The following CRTC1 variants were observed in gnomAD, a reference collection of about 807,000 sequenced individuals.
CRTC1 encodes the protein CREB-regulated transcription coactivator 1.
Under a neutral mutation model 66.1 loss-of-function variants are expected in CRTC1, and 18 were observed. The observed-to-expected ratio is 0.27, with a 90% CI of 0.19 to 0.40. CRTC1 has a LOEUF of 0.40. CRTC1 is among the 10% of genes least tolerant of loss of function. The pLI is 1.00. For missense variants in CRTC1, 669 were observed against 887.9 expected (o/e 0.75, Z 3.13); for synonymous variants, 416 against 398.8 (o/e 1.04, Z -0.51).
chr19:18,719,779 G>A (rs2053582860), intron 1 of CRTC1, among the ~76,000 whole-genome samples: 1 of 152,246 alleles, frequency 6.6e-6, no homozygotes, highest in Non-Finnish European at 1.5e-5. Context: ...GACCCGGGGC[G>A]AGCAGGGCTG....
intron 10 of CRTC1, among the ~76,000 whole-genome samples, chr19:18,770,505 G>T (rs1300605565): frequency 6.6e-6 from 1 of 152,248 alleles, no homozygotes; most frequent in Non-Finnish European, 1.5e-5. Context: ...GACCTGCCCA[G>T]GGCACACAGT....
At chr19:18,776,560 G>A (rs576275797) in intron 13 of CRTC1, among the ~76,000 whole-genome samples, 4 of 152,208 alleles carry the variant, frequency 2.6e-5, no homozygotes, top group Admixed American at 2.6e-4. Flanking sequence ...CACCCCTCGG[G>A]TGTAGGCAGC....
intron 1 of CRTC1, among the ~76,000 whole-genome samples, chr19:18,731,720 G>A (rs1320351623): frequency 1.3e-5 from 2 of 152,098 alleles, no homozygotes; most frequent in African/African-American, 4.8e-5. Context: ...GAACCCCACC[G>A]AGCAGGCACG....
chr19:18,774,863 A>C, intron 11 of CRTC1, 37 bp from the exon 12 acceptor site: 1 of 1,602,840 alleles, frequency 6.2e-7, no homozygotes. Flanking sequence ...ACCTGGCCTC[A>C]GGCCGTGACC....
At chr19:18,740,238 G>A (rs1334472753) in intron 1 of CRTC1, among the ~76,000 whole-genome samples, 2 of 151,680 alleles carry the variant, frequency 1.3e-5, no homozygotes, top group Non-Finnish European at 2.9e-5. Context: ...GGATGACAGA[G>A]CTAGACTCCA....
At chr19:18,719,115 G>C (rs980994869) in intron 1 of CRTC1, among the ~76,000 whole-genome samples, 1 of 152,138 alleles carries the variant, frequency 6.6e-6, no homozygotes, top group Non-Finnish European at 1.5e-5. Context: ...AGTGATCATG[G>C]GAGTGATGAG....
intron 1 of CRTC1, among the ~76,000 whole-genome samples, chr19:18,702,936 C>T (rs2053180672): frequency 6.6e-6 from 1 of 152,092 alleles, no homozygotes. Context: ...CGGGCTGGGA[C>T]CTCCAGTTGT....
chr19:18,699,872 T>C (rs1290055371), intron 1 of CRTC1, among the ~76,000 whole-genome samples: 1 of 151,540 alleles, frequency 6.6e-6, no homozygotes, highest in Non-Finnish European at 1.5e-5. Flanking sequence ...GAGGAACGAG[T>C]AGGGAGCAGC....
intron 1 of CRTC1, among the ~76,000 whole-genome samples, chr19:18,690,354 C>A (rs1365957522): frequency 2.6e-5 from 4 of 152,188 alleles, no homozygotes; most frequent in African/African-American, 4.8e-5. Context: ...GCCCGCCCCC[C>A]AGTCCTGGCT....
chr19:18,721,383 C>T (rs920216928), intron 1 of CRTC1, among the ~76,000 whole-genome samples: 4 of 151,390 alleles, frequency 2.6e-5, no homozygotes, highest in Admixed American at 6.6e-5. Context: ...TCGGTAGAGA[C>T]GGGGTTTCAC....
At chr19:18,720,511 G>A (rs1370455909) in intron 1 of CRTC1, among the ~76,000 whole-genome samples, 1 of 148,840 alleles carries the variant, frequency 6.7e-6, no homozygotes, top group African/African-American at 2.5e-5. Context: ...CACCACGCCC[G>A]GCTAATTTTT....
In CRTC1 at chr19:18,745,820, C is replaced by A. The variant is rs776456432; in HGVS notation, c.244-3C>A. 3 of 1,613,870 alleles carry A rather than the reference C, an allele frequency of 1.9e-6. No homozygotes were observed. The highest frequency in any genetic ancestry group is 1.7e-5 in the Admixed American group (1 of 60,018). ...TCTCTGTTTCCATCTCCTCCTCCCC[C>A]AGACCCCCTTCCAATCCTCGGGCCT... On this transcript the variant is annotated splice_polypyrimidine_tract_variant and splice_region_variant and intron_variant, in intron 2 of 13. Coordinates refer to ENST00000321949, the MANE Select transcript of CRTC1 (RefSeq NM_015321.3).
chr19:18,728,387 T>C (rs1352290287), intron 1 of CRTC1, among the ~76,000 whole-genome samples: 1 of 152,188 alleles, frequency 6.6e-6, no homozygotes, highest in Non-Finnish European at 1.5e-5. Flanking sequence ...ACCAGGACAA[T>C]GGGCTTGGGC....
chr19:18,759,730 C>T, intron 7 of CRTC1, 139 bp downstream of exon 7: 1 of 933,640 alleles, frequency 1.1e-6, no homozygotes, highest in Non-Finnish European at 1.6e-6. Flanking sequence ...TGACAGAGCC[C>T]CCACATGCCC....
At chr19:18,729,439 GA>G (rs200645429) in intron 1 of CRTC1, among the ~76,000 whole-genome samples, 22 of 139,668 alleles carry the variant, frequency 1.6e-4, no homozygotes, top group Admixed American at 5.0e-4. Context: ...AAAAAAAAAA[GA>G]AAAAAAAAAA....
chr19:18,758,621 G>A (rs1385773618), intron 6 of CRTC1, among the ~76,000 whole-genome samples: 10 of 152,174 alleles, frequency 6.6e-5, no homozygotes, highest in Admixed American at 6.5e-4. Context: ...GGACTCTCAG[G>A]AAGTAGCAGA....
chr19:18,730,257 C>A (rs2053855692), intron 1 of CRTC1, among the ~76,000 whole-genome samples: 1 of 145,024 alleles, frequency 6.9e-6, no homozygotes, highest in African/African-American at 2.6e-5. Flanking sequence ...CGAAGCACAT[C>A]ACCAGCTCCT....
intron 1 of CRTC1, among the ~76,000 whole-genome samples, chr19:18,731,683 G>A (rs2053891730): frequency 6.6e-6 from 1 of 152,100 alleles, no homozygotes; most frequent in South Asian, 2.1e-4. Context: ...CAGGCCCCCC[G>A]CTAGCCCCCT....
chr19:18,771,554 G>C lies in CRTC1; in HGVS notation c.1425+8G>C, dbSNP rs952287372. On this transcript the variant is annotated splice_region_variant and intron_variant, in intron 11 of 13. Coordinates refer to ENST00000321949, the MANE Select transcript of CRTC1 (RefSeq NM_015321.3). The surrounding 1 kb of genome is among the most constrained non-coding windows in gnomAD (Gnocchi z 4.6). ...CCAGGGAGCTCCCCGCAAGTAAGGG[G>C]CGCCGCCTCCCCCTTGGCCTGTGGG... 1 of 1,606,510 alleles carries C rather than the reference G, an allele frequency of 6.2e-7. No homozygotes were observed. The highest frequency in any genetic ancestry group is 1.7e-4 in the Middle Eastern group (1 of 6,044).
Sources: gnomAD v4.1 joint callset for allele counts (sites outside exome capture counted in the v4.1 genomes callset) on GRCh38, gnomAD v4.1.1 for gene constraint, Gnocchi (gnomAD v3.1) non-coding constraint, MANE v1.5 for transcripts, NCBI Gene and HGNC (gene_info 2026-07-23, HGNC 2026-07-21) for gene names.